Variants in SARM1 observed in about 807,000 individuals in gnomAD.
SARM1 encodes the protein sterile alpha and TIR motif containing 1.
Under a neutral mutation model 65.1 loss-of-function variants are expected in SARM1, and 60 were observed. That is an observed-to-expected ratio of 0.92 (90% CI 0.75 to 1.14). SARM1 has a LOEUF of 1.14. SARM1 is among the 50% of genes most tolerant of loss of function. SARM1 has a pLI of 0.00. For missense variants in SARM1, 913 were observed against 1,015.7 expected (o/e 0.90, Z 1.37); for synonymous variants, 417 against 465.4 (o/e 0.90, Z 1.34).
At position 28,402,686 on chromosome 17, in the gene SARM1, A is replaced by G. The variant is rs1440582746; in HGVS notation, c.*6400A>G. The G allele has an allele frequency of 1.6e-5, 3 of 192,610 alleles. No homozygotes were observed. Among genetic ancestry groups the G allele is most frequent in the Admixed American group, 5.4e-5 (1 of 18,442 alleles). 11.9% of individuals were successfully genotyped at this position (192,610 alleles called of 1,614,324 possible). A position where few individuals can be genotyped will look rare whatever the true frequency, so the allele number is the denominator to read the frequency against. ...TGAGTTCAAAACCTGATGCCATTACATATTATCTGTGTGGCCTGGGGTACT... is the reference window on the plus strand; with the variant it reads ...TGAGTTCAAAACCTGATGCCATTACGTATTATCTGTGTGGCCTGGGGTACT... On this transcript the variant is annotated 3_prime_UTR_variant, in exon 9 of 9. Transcript: ENST00000585482.
At chr17:28,378,094 A>T (rs1257515860) in intron 1 of SARM1, among the ~76,000 whole-genome samples, 1 of 152,176 alleles carries the variant, frequency 6.6e-6, no homozygotes, top group African/African-American at 2.4e-5. Flanking sequence ...CAGGCCTCCA[A>T]GTTCTCTCTG....
chr17:28,381,896 T>A (rs2068027400), intron 2 of SARM1, 75 bp downstream of exon 2: 1 of 1,369,538 alleles, frequency 7.3e-7, no homozygotes, highest in Admixed American at 3.5e-5. Context: ...GAAGTCACAT[T>A]CAACCGGGTC....
chr17:28,385,323 G>A lies in SARM1; in HGVS notation c.1630+48G>A, dbSNP rs2142431972. 1.4e-6 allele frequency: 2 copies of A among 1,392,324 alleles called. No individual in the cohort carries two copies. The highest frequency in any genetic ancestry group is 1.5e-5 in the African/African-American group (1 of 68,670). 86.2% of individuals were successfully genotyped at this position (1,392,324 alleles called of 1,614,324 possible). On this transcript the variant is annotated intron_variant, in intron 5 of 8. Transcript: ENST00000585482. This position sits in a 1 kb window ranked among gnomAD's most constrained non-coding sequence, Gnocchi z 4.5. ...CCGCCCCAGCCCCAGCCCCAGCCAC[G>A]GCCCTGGAATGGTGAGGGGAGACAC...
chr17:28,387,314 C>A (rs1367495479), intron 5 of SARM1, among the ~76,000 whole-genome samples: 1 of 151,604 alleles, frequency 6.6e-6, no homozygotes, highest in Non-Finnish European at 1.5e-5. Flanking sequence ...CTCACTGCAA[C>A]CTCTGCCTCC....
chr17:28,386,905 AT>A lies in SARM1; in HGVS notation c.1631-1262del, dbSNP rs1197441148. On this transcript the variant is annotated intron_variant, in intron 5 of 8. Transcript: ENST00000585482. ...AGGTGCGCAACACCACACCCAGCTAATTTTTTTATTTTTTGTGGAGACAGGG... is the reference window on the plus strand; with the variant it reads ...AGGTGCGCAACACCACACCCAGCTAATTTTTTATTTTTTGTGGAGACAGGG... 6.6e-5 allele frequency among the ~76,000 whole-genome samples: 10 copies of A among 152,152 alleles called. No homozygotes were observed. The South Asian group carries it at 1.5e-3, about 22-fold the overall frequency.
chr17:28,387,037 C>T (rs955632008), intron 5 of SARM1, among the ~76,000 whole-genome samples: 2 of 152,034 alleles, frequency 1.3e-5, no homozygotes, highest in East Asian at 1.9e-4. Context: ...CCGCACCCAG[C>T]GCAAGATTTC....
rs914716164 is a variant in SARM1, at chr17:28,388,178, G to A, written c.1635G>A (p.Met545Ile). The A allele has an allele frequency of 6.5e-7, 1 of 1,549,082 alleles. No homozygotes were observed. Among genetic ancestry groups the A allele is most frequent in the Non-Finnish European group, 8.7e-7 (1 of 1,146,456 alleles). The change falls in exon 6 of 9, where the codon ATG becomes ATA. Residue 545 changes from methionine to isoleucine, a missense_variant. Coordinates refer to ENST00000585482, the MANE Select transcript of SARM1 (RefSeq NM_015077.4). ...RARILTAARE[M>I]LHSPLPCTGG... is the part of the protein sequence containing the mutation. ...GCTGCCTATTGCCCACTTCAGAAATGCTACACTCCCCGCTGCCCTGTACTG... is the reference window on the plus strand; with the variant it reads ...GCTGCCTATTGCCCACTTCAGAAATACTACACTCCCCGCTGCCCTGTACTG...
intron 1 of SARM1, among the ~76,000 whole-genome samples, chr17:28,376,857 TG>T (rs11325022): frequency 1 from 152,243 of 152,244 alleles, 76,121 homozygotes; most frequent in Middle Eastern, 1. Flanking sequence ...GGCACGATCT[TG>T]GGCTCACTGC....
chr17:28,397,522 G>A lies in SARM1; in HGVS notation c.*1236G>A, dbSNP rs1555588394. The stretch of plus-strand genomic sequence containing the variant: ...TGACACTGAGGCTCAGAAAGGTTGA[G>A]GATAAGCCCACTTTCCTGTCATTAG... On this transcript the variant is annotated 3_prime_UTR_variant, in exon 9 of 9. Coordinates refer to ENST00000585482, the MANE Select transcript of SARM1 (RefSeq NM_015077.4). The A allele has an allele frequency of 6.6e-6, 1 of 152,186 alleles. No homozygotes were observed. The highest frequency in any genetic ancestry group is 2.4e-5 in the African/African-American group (1 of 41,420). The allele number at this position is 152,186 out of a possible 1,614,324, so 9.4% of individuals were successfully genotyped here. A position where few individuals can be genotyped will look rare whatever the true frequency, so the allele number is the denominator to read the frequency against.
intron 1 of SARM1, among the ~76,000 whole-genome samples, chr17:28,375,364 C>G (rs570992971): frequency 0.039 from 12 of 306 alleles, no homozygotes; most frequent in Admixed American, 0.15. Flanking sequence ...TTGGGAGGCC[C>G]AGGCGGGAGA....
chr17:28,386,640 G>A (rs1017017569), intron 5 of SARM1: 2 of 152,106 alleles, frequency 1.3e-5, no homozygotes, highest in Admixed American at 6.5e-5. Flanking sequence ...AAGACACAAG[G>A]GACTGAGCTT....
In SARM1 at chr17:28,396,813, C is replaced by T. The variant is rs118138669; in HGVS notation, c.*527C>T. On this transcript the variant is annotated 3_prime_UTR_variant, in exon 9 of 9. Transcript: ENST00000585482. ...CTTACAACTTCCTGCCGCTCTGTGG[C>T]CTTGCCCTGTAATCACTCAGTGCCC... The T allele has an allele frequency of 1.4e-3, 212 of 155,824 alleles. 3 individuals are homozygous for T. In the East Asian group the frequency reaches 0.032, roughly 23 times the overall value. The allele number at this position is 155,824 out of a possible 1,614,324, so 9.7% of individuals were successfully genotyped here. A position where few individuals can be genotyped will look rare whatever the true frequency, so the allele number is the denominator to read the frequency against.
rs1555585346 is a variant in SARM1 at position 28,381,774 on chromosome 17, TA to T, written c.1043del (p.Tyr348SerfsTer27). ...GGAGGCGCAGTGCATCGGGGCTTTC[TA>T]CCTCTGCGCCGAGGCTGCCATCAAG... ...RLEAQCIGAFYLCAEAAIKSL... is the reference protein window; with the variant it reads ...RLEAQCIGAFXLCAEAAIKSL... On this transcript the variant is annotated frameshift_variant, in exon 2 of 9. Transcript: ENST00000585482. LOFTEE classifies it high-confidence loss of function. The T allele has an allele frequency of 6.8e-7, 1 of 1,474,300 alleles. No homozygotes were observed. The highest frequency in any genetic ancestry group is 9.0e-7 in the Non-Finnish European group (1 of 1,112,466). The allele number at this position is 1,474,300 out of a possible 1,614,324, so 91.3% of individuals were successfully genotyped here.
chr17:28,388,766 C>CTTTTTTTTTTTTT, intron 7 of SARM1, among the ~76,000 whole-genome samples: 1 of 135,916 alleles, frequency 7.4e-6, no homozygotes, highest in Non-Finnish European at 1.6e-5. Flanking sequence ...TTTTCTTTTT[C>CTTTTTTTTTTTTT]TTTTTTTTTT....
Position 28,384,442 on chromosome 17 carries a change from G to A in SARM1, c.1175G>A (p.Arg392His). ...TNGTKSALAK[R>H]ALRLLGEEVP... ...GGCACTAAGTCGGCGCTGGCCAAGC[G>A]CGCGCTGCGCCTGCTGGGCGAGGAG... The change falls in exon 3 of 9, where the codon CGC (arginine) becomes CAC (histidine). Residue 392 changes from arginine to histidine, a missense_variant. Physicochemically the swap from Arg to His is conservative, Grantham distance 29. Coordinates refer to ENST00000585482, the MANE Select transcript of SARM1 (RefSeq NM_015077.4). This position sits in a 1 kb window ranked among gnomAD's most constrained non-coding sequence, Gnocchi z 4.4. The A allele has an allele frequency of 6.2e-7, 1 of 1,613,344 alleles. No individual in the cohort carries two copies. The highest frequency in any genetic ancestry group is 1.1e-5 in the South Asian group (1 of 90,980).
chr17:28,379,299 CTTTTTTTTTTTT>C (rs1193480505), intron 1 of SARM1, among the ~76,000 whole-genome samples: 4 of 78,360 alleles, frequency 5.1e-5, no homozygotes, highest in African/African-American at 2.2e-4. Flanking sequence ...CCATTTAGAT[CTTTTTTTTTTTT>C]TTTTTTTTTT....
At chr17:28,388,921 C>A (rs1201263916) in intron 7 of SARM1, among the ~76,000 whole-genome samples, 1 of 152,012 alleles carries the variant, frequency 6.6e-6, no homozygotes, top group African/African-American at 2.4e-5. Flanking sequence ...CAGGTGCCCG[C>A]CACCACGGCT....
intron 7 of SARM1, among the ~76,000 whole-genome samples, chr17:28,391,826 C>T (rs1461946804): frequency 2.0e-5 from 3 of 149,834 alleles, no homozygotes; most frequent in African/African-American, 7.4e-5. Context: ...AGATGCCATG[C>T]CTGGGAGAGC....
intron 7 of SARM1, among the ~76,000 whole-genome samples, chr17:28,390,887 C>T (rs1182468543): frequency 6.6e-6 from 1 of 152,170 alleles, no homozygotes. Flanking sequence ...ACTGCTTTCT[C>T]CATATCACAG....
Sources: allele counts gnomAD v4.1 joint callset (sites outside exome capture counted in the v4.1 genomes callset), GRCh38; gene constraint gnomAD v4.1.1; non-coding constraint Gnocchi (gnomAD v3.1); transcripts MANE v1.5; gene names NCBI Gene and HGNC (gene_info 2026-07-23, HGNC 2026-07-21).